DOCK11: variants seen among roughly 807,000 people sequenced by gnomAD.
DOCK11 encodes dedicator of cytokinesis protein 11.
A neutral mutation model predicts 169.1 loss-of-function variants in DOCK11; 70 were observed. That is an observed-to-expected ratio of 0.41 (90% CI 0.34 to 0.51). The LOEUF is 0.51. Among genes scored for constraint, DOCK11 ranks in the 20% least tolerant of loss-of-function variants. The probability of loss-of-function intolerance (pLI) is 0.10; values close to 1 mark genes in which losing one functional copy is unlikely to be tolerated. For synonymous variants in DOCK11, 529 were observed against 541.3 expected, an observed-to-expected ratio of 0.98 and a Z score of 0.32; for missense variants, 1,166 against 1,538.8, an observed-to-expected ratio of 0.76 and a Z score of 4.05.
chrX:118,570,552 T>A (rs1406352700), intron 10 of DOCK11, among the ~76,000 whole-genome samples: 2 of 112,256 alleles, frequency 1.8e-5, no homozygotes, highest in Admixed American at 9.4e-5. Flanking sequence ...ATCTTACACA[T>A]TGGGCCCTTT....
At position 118,624,725 on chromosome X, in the gene DOCK11, T is replaced by G. The variant is rs765257742; in HGVS notation, c.3588+70T>G. ...GAATGCATTTGGAATTGGGGTCATA[T>G]GCTATATGATCTCAACCTTAAGAGT... On this transcript the variant is annotated intron_variant, in intron 32 of 52. Coordinates refer to ENST00000276202, the MANE Select transcript of DOCK11 (RefSeq NM_144658.4). The G allele has an allele frequency of 2.2e-5, 15 of 667,348 alleles. No individual in the cohort carries two copies. The East Asian group carries it at 2.4e-4, about 11-fold the overall frequency. The allele number at this position is 667,348 out of a possible 1,213,427, so 55.0% of individuals were successfully genotyped here.
chrX:118,609,168 A>C lies in DOCK11; in HGVS notation c.2878-110A>C, dbSNP rs367574335. 10 of 527,800 alleles carry C rather than the reference A, an allele frequency of 1.9e-5. No homozygotes were observed. In the East Asian group the frequency reaches 2.2e-4, roughly 12 times the overall value. The allele number at this position is 527,800 out of a possible 1,213,427, so 43.5% of individuals were successfully genotyped here. A position where few individuals can be genotyped will look rare whatever the true frequency, so the allele number is the denominator to read the frequency against. ...GTGACTTTGATAGTGACTTGGGATC[A>C]CTTGAAAATGTTAGTAAAATTCAAA... On this transcript the variant is annotated intron_variant, in intron 26 of 52. Transcript: ENST00000276202.
At chrX:118,508,032 T>A (rs2057625616) in intron 1 of DOCK11, among the ~76,000 whole-genome samples, 1 of 106,652 alleles carries the variant, frequency 9.4e-6, no homozygotes. Context: ...AGCTTAGGTC[T>A]CTTTAGTGGG....
At chrX:118,622,087 G>A (rs990816011) in intron 31 of DOCK11, among the ~76,000 whole-genome samples, 12 of 111,454 alleles carry the variant, frequency 1.1e-4, no homozygotes, top group South Asian at 3.7e-4. Context: ...CTTCTAGTTC[G>A]GCTGTGGGCA....
At chrX:118,660,945 C>T (rs1330867004) in intron 44 of DOCK11, among the ~76,000 whole-genome samples, 6 of 110,517 alleles carry the variant, frequency 5.4e-5, no homozygotes, top group Middle Eastern at 4.7e-3. Context: ...TAGTGGCTCA[C>T]GCCTATAATC....
chrX:118,654,532 T>C, intron 42 of DOCK11, 70 bp from the exon 43 acceptor site: 1 of 1,016,921 alleles, frequency 9.8e-7, no homozygotes. Context: ...GTCCTCAGCA[T>C]TGGATGACAA....
chrX:118,657,577 A>C (rs992299660), intron 44 of DOCK11, among the ~76,000 whole-genome samples: 4 of 111,944 alleles, frequency 3.6e-5, no homozygotes, highest in African/African-American at 1.3e-4. Context: ...TAGTAGTAAA[A>C]GTCCTCAGGG....
intron 35 of DOCK11, 66 bp from the exon 36 acceptor site, chrX:118,636,280 G>C: frequency 1.5e-6 from 1 of 655,418 alleles, no homozygotes; most frequent in Non-Finnish European, 2.3e-6. Flanking sequence ...CATAGGACTT[G>C]GGGATTCACT....
intron 46 of DOCK11, 40 bp downstream of exon 46, chrX:118,671,185 T>C (rs1456385376): frequency 1.7e-6 from 2 of 1,164,105 alleles, no homozygotes; most frequent in Admixed American, 4.6e-5. Flanking sequence ...CTTATGTATT[T>C]TATTTTGGTT....
chrX:118,628,265 G>C lies in DOCK11; in HGVS notation c.3767G>C (p.Gly1256Ala), dbSNP rs2015156209. The change falls in exon 34 of 53, where the codon GGT becomes GCT. Residue 1256 changes from glycine to alanine, a missense_variant. Coordinates refer to ENST00000276202, the MANE Select transcript of DOCK11 (RefSeq NM_144658.4). ...GGATTTCCAGATCAGGGCAACACTG[G>C]TGAAAATGTAAGAACTTAAATATAT... ...ATGFPDQGNT[G>A]ENTRQSSTRS... The C allele has an allele frequency of 1.7e-6, 2 of 1,181,503 alleles. No homozygotes were observed. Among genetic ancestry groups the C allele is most frequent in the Admixed American group, 4.5e-5 (2 of 44,416 alleles).
At position 118,662,674 on chromosome X, in the gene DOCK11, T is replaced by C; in HGVS notation, c.4970-12T>C. 1 of 1,062,595 alleles carries C rather than the reference T, an allele frequency of 9.4e-7. No individual in the cohort carries two copies. The highest frequency in any genetic ancestry group is 1.3e-6 in the Non-Finnish European group (1 of 762,097). 87.6% of individuals were successfully genotyped at this position (1,062,595 alleles called of 1,213,427 possible). On this transcript the variant is annotated splice_polypyrimidine_tract_variant and intron_variant, in intron 44 of 52. Coordinates refer to ENST00000276202, the MANE Select transcript of DOCK11 (RefSeq NM_144658.4). ...TCATAAATTCACTCCACTGTTTTTT[T>C]TATTCACACAGAATTATTTCCTAAC...
intron 31 of DOCK11, among the ~76,000 whole-genome samples, chrX:118,621,598 C>T (rs2014973989): frequency 1.8e-5 from 2 of 111,903 alleles, no homozygotes; most frequent in South Asian, 7.4e-4. Context: ...TATTGCTGGT[C>T]CCTGTTATGT....
At chrX:118,624,469 A>T (rs1025285177) in intron 31 of DOCK11, 70 bp from the exon 32 acceptor site, 1 of 669,365 alleles carries the variant, frequency 1.5e-6, no homozygotes, top group African/African-American at 2.2e-5. Flanking sequence ...TTGATATATG[A>T]AGCCAACTCC....
At chrX:118,562,969 A>G (rs891466242) in intron 7 of DOCK11, among the ~76,000 whole-genome samples, 2 of 112,351 alleles carry the variant, frequency 1.8e-5, no homozygotes, top group African/African-American at 6.5e-5. Flanking sequence ...TTCTTCTATA[A>G]TTACCAGGGT....
chrX:118,645,521 C>T lies in DOCK11; in HGVS notation c.4398+1927C>T, dbSNP rs769669877. Among the ~76,000 whole-genome samples the T allele has an allele frequency of 3.7e-5, 4 of 109,218 alleles. No homozygotes were observed. The South Asian group carries it at 1.6e-3, about 44-fold the overall frequency. 94.8% of individuals were successfully genotyped at this position (109,218 alleles called of 115,157 possible). On this transcript the variant is annotated intron_variant, in intron 40 of 52. Coordinates refer to ENST00000276202, the MANE Select transcript of DOCK11 (RefSeq NM_144658.4). ...CCAGCCTGACCAACATGGCGAAACC[C>T]CATCTCTACTAAAAATACAAAAATT...
chrX:118,636,864 C>T (rs189997015), intron 36 of DOCK11, among the ~76,000 whole-genome samples: 2,296 of 110,026 alleles, frequency 0.021, 24 homozygotes, highest in Middle Eastern at 0.052. Context: ...CACACACACA[C>T]GTGTATATGT....
At chrX:118,671,001 T>G in intron 45 of DOCK11, 22 bp from the exon 46 acceptor site, 1 of 1,158,353 alleles carries the variant, frequency 8.6e-7, no homozygotes, top group Non-Finnish European at 1.2e-6. Context: ...TAATTCCTAA[T>G]TGGATTTTTC....
intron 9 of DOCK11, among the ~76,000 whole-genome samples, chrX:118,567,342 C>CT (rs1224774678): frequency 1.2e-3 from 124 of 105,091 alleles, no homozygotes; most frequent in Non-Finnish European, 1.9e-3. Context: ...TTGGAAGCTC[C>CT]TTTTTTTTTT....
At chrX:118,674,892 C>T (rs1055204033) in intron 46 of DOCK11, among the ~76,000 whole-genome samples, 23 of 111,733 alleles carry the variant, frequency 2.1e-4, no homozygotes, top group African/African-American at 7.2e-4. Context: ...GAAGTGGCAC[C>T]TCATTGTCTT....
Sources: allele counts gnomAD v4.1 joint callset (sites outside exome capture counted in the v4.1 genomes callset), GRCh38; gene constraint gnomAD v4.1.1; transcripts MANE v1.5; gene names NCBI Gene and HGNC (gene_info 2026-07-23, HGNC 2026-07-21).